Variants in SVIL observed in about 807,000 individuals in gnomAD.
SVIL encodes the protein supervillin.
In SVIL, 101 loss-of-function variants were observed where a neutral mutation model predicts 240.4. The ratio of observed to expected loss-of-function variants is 0.42; its 90% CI spans 0.36 to 0.50. The LOEUF is 0.50. SVIL is among the 20% of genes least tolerant of loss of function. The pLI, the probability that SVIL is intolerant of heterozygous loss-of-function variation, is 0.01. For missense variants in SVIL, 2,512 were observed against 2,818.7 expected, an observed-to-expected ratio of 0.89 and a Z score of 2.46; for synonymous variants, 999 against 1,100.0, an observed-to-expected ratio of 0.91 and a Z score of 1.82.
chr10:29,627,843 C>T (rs1957932992), intron 1 of SVIL, among the ~76,000 whole-genome samples: 1 of 152,172 alleles, frequency 6.6e-6, no homozygotes, highest in African/African-American at 2.4e-5. Context: ...ATATTCAGCA[C>T]TTCCAATAAA....
At chr10:29,714,325 C>T (rs947131021) in intron 1 of SVIL, among the ~76,000 whole-genome samples, 4 of 152,016 alleles carry the variant, frequency 2.6e-5, no homozygotes, top group African/African-American at 9.7e-5. Flanking sequence ...ACTTAAACCT[C>T]AAAAAAGGCG....
intron 1 of SVIL, among the ~76,000 whole-genome samples, chr10:29,703,448 T>A (rs80334618): frequency 0.097 from 14,740 of 152,186 alleles, 1,218 homozygotes; most frequent in African/African-American, 0.22. Flanking sequence ...ATCACTCTTT[T>A]CCACTCATGT....
intron 6 of SVIL, among the ~76,000 whole-genome samples, chr10:29,544,102 C>G (rs1476793944): frequency 6.6e-6 from 1 of 152,146 alleles, no homozygotes; most frequent in Non-Finnish European, 1.5e-5. Context: ...CTACAACTCC[C>G]AAGGGTCTAC....
At chr10:29,460,092 TAAAAAA>T (rs1427495712) in intron 36 of SVIL, among the ~76,000 whole-genome samples, 1 of 152,002 alleles carries the variant, frequency 6.6e-6, no homozygotes, top group Admixed American at 6.6e-5. Context: ...ATCCTTTCTC[TAAAAAA>T]AGAAGAGGCG....
rs183273611 is a variant in SVIL, at chr10:29,694,166, C to T, written c.-399-7515G>A. Among the ~76,000 whole-genome samples, 264 of 144,008 alleles carry T rather than the reference C, an allele frequency of 1.8e-3. 2 individuals are homozygous for T. Among genetic ancestry groups the T allele is most frequent in the Admixed American group, 2.8e-3 (38 of 13,670 alleles). 94.5% of individuals were successfully genotyped at this position (144,008 alleles called of 152,430 possible). A position where few individuals can be genotyped will look rare whatever the true frequency, so the allele number is the denominator to read the frequency against. ...GGGTAGTGCTTTGGGAAGCCGAGGCCGGAGGATTGCTTGAGGTTAGGAGTT... is the reference window on the plus strand; with the variant it reads ...GGGTAGTGCTTTGGGAAGCCGAGGCTGGAGGATTGCTTGAGGTTAGGAGTT... On this transcript the variant is annotated intron_variant, in intron 1 of 35. Coordinates refer to the SVIL transcript ENST00000375400.
chr10:29,559,430 C>T (rs1473912087), intron 3 of SVIL, among the ~76,000 whole-genome samples: 1 of 152,066 alleles, frequency 6.6e-6, no homozygotes, highest in Non-Finnish European at 1.5e-5. Flanking sequence ...TCTCTAAATT[C>T]TTCAGTGTGT....
intron 16 of SVIL, among the ~76,000 whole-genome samples, chr10:29,519,899 G>A (rs1055007539): frequency 1.3e-5 from 2 of 152,214 alleles, no homozygotes; most frequent in African/African-American, 4.8e-5. Flanking sequence ...CTTCCGGGCT[G>A]TTCACAGAAA....
intron 5 of SVIL, among the ~76,000 whole-genome samples, chr10:29,554,486 T>C (rs913332540): frequency 1.0e-4 from 15 of 147,346 alleles, no homozygotes; most frequent in Non-Finnish European, 2.1e-4. Context: ...TCTACAAAAA[T>C]GTTTAAAAAA....
intron 6 of SVIL, among the ~76,000 whole-genome samples, chr10:29,550,078 A>G (rs1317431731): frequency 6.6e-6 from 1 of 151,572 alleles, no homozygotes; most frequent in African/African-American, 2.4e-5. Context: ...AAACATAAGA[A>G]ACGCACAAAG....
intron 1 of SVIL, among the ~76,000 whole-genome samples, chr10:29,570,993 T>C (rs1273112407): frequency 1.3e-5 from 2 of 152,164 alleles, no homozygotes; most frequent in African/African-American, 4.8e-5. Context: ...ATTTGAAAGC[T>C]CCCAAATAGC....
intron 1 of SVIL, among the ~76,000 whole-genome samples, chr10:29,724,173 T>TGA (rs1368391507): frequency 1.0e-5 from 1 of 99,866 alleles, no homozygotes; most frequent in Non-Finnish European, 2.4e-5. Context: ...GAGTTTTTTG[T>TGA]TTTCTCTCTT....
intron 1 of SVIL, among the ~76,000 whole-genome samples, chr10:29,595,016 G>T (rs2132816342): frequency 6.6e-6 from 1 of 152,350 alleles, no homozygotes; most frequent in South Asian, 2.1e-4. Context: ...CTGGAATGGA[G>T]ACTCTGTTAC....
intron 1 of SVIL, among the ~76,000 whole-genome samples, chr10:29,622,213 G>C (rs956878958): frequency 8.5e-6 from 1 of 118,320 alleles, no homozygotes; most frequent in African/African-American, 3.2e-5. Context: ...TCGCGCCACT[G>C]CACTCCAGCC....
intron 1 of SVIL, among the ~76,000 whole-genome samples, chr10:29,626,606 G>GA (rs1465664289): frequency 6.6e-6 from 1 of 151,998 alleles, no homozygotes; most frequent in Non-Finnish European, 1.5e-5. Flanking sequence ...CACATCAGGA[G>GA]AAAAAACAAA....
At chr10:29,541,822 C>T (rs775449186) in intron 6 of SVIL, among the ~76,000 whole-genome samples, 6 of 152,160 alleles carry the variant, frequency 3.9e-5, no homozygotes, top group African/African-American at 9.7e-5. Context: ...CAGTTCACGA[C>T]GCTCCACAAG....
chr10:29,715,821 GGTTC>G (rs1219697839), intron 1 of SVIL, among the ~76,000 whole-genome samples: 1 of 152,202 alleles, frequency 6.6e-6, no homozygotes, highest in African/African-American at 2.4e-5. Flanking sequence ...ATTGATACAA[GGTTC>G]CTAGGTTCAA....
chr10:29,544,666 G>A (rs1384700475), intron 6 of SVIL, among the ~76,000 whole-genome samples: 6 of 150,876 alleles, frequency 4.0e-5, no homozygotes, highest in African/African-American at 7.3e-5. Flanking sequence ...GCTGAGGCAG[G>A]AGGAACGCTC....
At chr10:29,545,385 A>G (rs1201156751) in intron 6 of SVIL, among the ~76,000 whole-genome samples, 2 of 152,002 alleles carry the variant, frequency 1.3e-5, no homozygotes, top group Admixed American at 1.3e-4. Context: ...TCATCCACCA[A>G]TGGCAACTCT....
At chr10:29,589,644 G>A (rs935474100) in intron 1 of SVIL, among the ~76,000 whole-genome samples, 3 of 152,070 alleles carry the variant, frequency 2.0e-5, no homozygotes, top group Non-Finnish European at 1.5e-5. Flanking sequence ...AGAAAACGAG[G>A]TGAGACAATT....
Sources: allele counts gnomAD v4.1 joint callset (sites outside exome capture counted in the v4.1 genomes callset), GRCh38; gene constraint gnomAD v4.1.1; transcripts MANE v1.5; gene names NCBI Gene and HGNC (gene_info 2026-07-23, HGNC 2026-07-21).